The following KIF3A variants were observed in gnomAD, a reference collection of about 807,000 sequenced individuals.
KIF3A encodes kinesin-like protein KIF3A.
A neutral mutation model predicts 92.6 loss-of-function variants in KIF3A; 27 were observed. That is an observed-to-expected ratio of 0.29 (90% CI 0.21 to 0.40). The LOEUF (loss-of-function observed/expected upper bound fraction) is 0.40. KIF3A is among the 10% of genes least tolerant of loss of function. KIF3A has a pLI of 1.00. For missense variants in KIF3A, 581 were observed against 872.6 expected (o/e 0.67, Z 4.21); for synonymous variants, 250 against 275.4 (o/e 0.91, Z 0.92).
chr5:132,712,844 T>C (rs976201574), intron 8 of KIF3A, among the ~76,000 whole-genome samples: 5 of 152,196 alleles, frequency 3.3e-5, no homozygotes, highest in African/African-American at 1.2e-4. Flanking sequence ...GAAGAACAAG[T>C]GTGCTAGACA....
chr5:132,714,247 G>A (rs1010778595), intron 8 of KIF3A, among the ~76,000 whole-genome samples: 3 of 152,110 alleles, frequency 2.0e-5, no homozygotes, highest in African/African-American at 7.2e-5. Context: ...AGACAAAGCA[G>A]AATGGTTGTT....
At chr5:132,715,623 T>C (rs896733743) in intron 8 of KIF3A, 134 bp downstream of exon 8, 2 of 611,506 alleles carry the variant, frequency 3.3e-6, no homozygotes, top group African/African-American at 1.9e-5. Flanking sequence ...CAAGTCACTT[T>C]CTAGAAATAT....
At chr5:132,726,049 A>G (rs1754022118) in intron 4 of KIF3A, 79 bp downstream of exon 4, 1 of 1,031,738 alleles carries the variant, frequency 9.7e-7, no homozygotes, top group Non-Finnish European at 1.4e-6. Context: ...CTTTTGTTTA[A>G]AAAAAGAAGG....
chr5:132,705,188 C>T (rs925539789), intron 11 of KIF3A, among the ~76,000 whole-genome samples: 1 of 151,884 alleles, frequency 6.6e-6, no homozygotes, highest in Admixed American at 6.6e-5. Flanking sequence ...ACTACTATTC[C>T]CAAACTACTT....
At chr5:132,717,095 A>T in intron 5 of KIF3A, 111 bp from the exon 6 acceptor site, 1 of 1,024,626 alleles carries the variant, frequency 9.8e-7, no homozygotes, top group Non-Finnish European at 1.4e-6. Context: ...CAAAAGCCAG[A>T]GAGCATGGCT....
chr5:132,736,714 A>G, intron 1 of KIF3A: 1 of 434,492 alleles, frequency 2.3e-6, no homozygotes, highest in Non-Finnish European at 4.7e-6. Flanking sequence ...TTTACATGGG[A>G]ACTAAGGACC....
chr5:132,729,542 G>A (rs1236403551), intron 2 of KIF3A, among the ~76,000 whole-genome samples: 2 of 151,836 alleles, frequency 1.3e-5, no homozygotes, highest in East Asian at 3.8e-4. Flanking sequence ...AAACATTCAA[G>A]CCATAAAAAA....
intron 2 of KIF3A, among the ~76,000 whole-genome samples, chr5:132,730,428 C>T (rs2149920875): frequency 6.7e-6 from 1 of 150,190 alleles, no homozygotes; most frequent in South Asian, 2.1e-4. Flanking sequence ...GATCGCGCCA[C>T]TGCACTCCAG....
At chr5:132,724,810 TATA>T (rs1753969416) in intron 4 of KIF3A, among the ~76,000 whole-genome samples, 2 of 16,324 alleles carry the variant, frequency 1.2e-4, no homozygotes, top group African/African-American at 3.2e-4. Flanking sequence ...AAAAAAAATA[TATA>T]TATATATATA....
At chr5:132,708,455 A>G (rs1753301030) in intron 10 of KIF3A, among the ~76,000 whole-genome samples, 1 of 152,114 alleles carries the variant, frequency 6.6e-6, no homozygotes, top group Non-Finnish European at 1.5e-5. Context: ...TAAGAATAGG[A>G]CACCAAAGTG....
chr5:132,710,423 T>C (rs1753376136), intron 9 of KIF3A, among the ~76,000 whole-genome samples: 1 of 152,128 alleles, frequency 6.6e-6, no homozygotes, highest in Admixed American at 6.5e-5. Context: ...AAGACCAGCC[T>C]GGCTAACAGG....
intron 8 of KIF3A, among the ~76,000 whole-genome samples, chr5:132,711,908 T>C (rs1344886791): frequency 1.3e-5 from 2 of 152,170 alleles, no homozygotes; most frequent in East Asian, 1.9e-4. Flanking sequence ...AAAAAAGGAA[T>C]GATGAAGCCA....
At chr5:132,703,322 C>T in intron 12 of KIF3A, 141 bp downstream of exon 12, 1 of 722,316 alleles carries the variant, frequency 1.4e-6, no homozygotes, top group South Asian at 2.0e-5. Flanking sequence ...ACACTATATA[C>T]AATGGACCCT....
In KIF3A at chr5:132,695,162, C is replaced by CTTTATTTTTAT; in HGVS notation, c.*1461_*1471dup. 6.6e-6 allele frequency: 1 copy of CTTTATTTTTAT among 152,218 alleles called. No individual in the cohort carries two copies. The highest frequency in any genetic ancestry group is 1.5e-5 in the Non-Finnish European group (1 of 67,998). 9.4% of individuals were successfully genotyped at this position (152,218 alleles called of 1,614,324 possible). On this transcript the variant is annotated 3_prime_UTR_variant, in exon 19 of 19. Transcript: ENST00000403231. Reference sequence around the variant, plus strand: ...ATTAAGTGGTTTAGGAGTAGCATAACTTTATTTTTATTTTATTTTTATTTT... The same window carrying CTTTATTTTTAT: ...ATTAAGTGGTTTAGGAGTAGCATAACTTTATTTTTATTTTATTTTTATTTTATTTTTATTTT...
intron 11 of KIF3A, among the ~76,000 whole-genome samples, chr5:132,704,485 T>C (rs1382687467): frequency 6.6e-6 from 1 of 151,992 alleles, no homozygotes; most frequent in Non-Finnish European, 1.5e-5. Context: ...TAAAGTATTT[T>C]ACATACATGT....
At chr5:132,704,625 A>G (rs770085327) in intron 11 of KIF3A, among the ~76,000 whole-genome samples, 2 of 151,970 alleles carry the variant, frequency 1.3e-5, no homozygotes, top group Non-Finnish European at 2.9e-5. Context: ...CTGGTCATAC[A>G]GTTTCTTAGA....
At chr5:132,736,664 G>A in intron 1 of KIF3A, 7 of 381,620 alleles carry the variant, frequency 1.8e-5, no homozygotes, top group South Asian at 1.4e-4. Context: ...CTAGTCTCCT[G>A]TGTATTATTT....
At position 132,696,303 on chromosome 5, in the gene KIF3A, T is replaced by A; in HGVS notation, c.*331A>T. The A allele has an allele frequency of 5.8e-6, 1 of 173,908 alleles. No individual in the cohort carries two copies. 10.8% of individuals were successfully genotyped at this position (173,908 alleles called of 1,614,324 possible). A position where few individuals can be genotyped will look rare whatever the true frequency, so the allele number is the denominator to read the frequency against. On this transcript the variant is annotated 3_prime_UTR_variant, in exon 19 of 19. Coordinates refer to ENST00000403231, the MANE Select transcript of KIF3A (RefSeq NM_001300791.2). Reference sequence around the variant, plus strand: ...TATTTTGAAATTCTAGTTACCTAAATATACAGTAGTTGGATAAATAGCTAA... The same window carrying A: ...TATTTTGAAATTCTAGTTACCTAAAAATACAGTAGTTGGATAAATAGCTAA...
intron 18 of KIF3A, 31 bp downstream of exon 18, chr5:132,699,140 T>TC (rs1221244909): frequency 6.2e-7 from 1 of 1,608,556 alleles, no homozygotes; most frequent in African/African-American, 1.3e-5. Context: ...CTCAATGCCT[T>TC]CGTTTTACCA....
Sources: allele counts gnomAD v4.1 joint callset (sites outside exome capture counted in the v4.1 genomes callset), GRCh38; gene constraint gnomAD v4.1.1; transcripts MANE v1.5; gene names NCBI Gene and HGNC (gene_info 2026-07-23, HGNC 2026-07-21).